WWOX: variants seen among roughly 807,000 people sequenced by gnomAD.
WWOX encodes the protein WW domain-containing oxidoreductase.
Under a neutral mutation model 46.2 loss-of-function variants are expected in WWOX, and 69 were observed. The ratio of observed to expected loss-of-function variants is 1.49; its 90% confidence interval spans 1.23 to 1.82. The LOEUF (loss-of-function observed/expected upper bound fraction) is 1.82. Among genes scored for constraint, WWOX ranks in the 40% most tolerant of loss-of-function variants. The pLI is 0.00. For synonymous variants in WWOX, 359 were observed against 202.6 expected (o/e 1.77, Z -6.56); for missense variants, 919 against 542.6 (o/e 1.69, Z -6.89).
chr16:78,568,912 C>G lies in WWOX; in HGVS notation c.1056+136160C>G, dbSNP rs2044644215. Among the ~76,000 whole-genome samples the G allele has an allele frequency of 3.3e-5, 5 of 152,232 alleles. No individual in the cohort carries two copies. The South Asian group carries it at 1.0e-3, about 32-fold the overall frequency. Reference sequence around the variant, plus strand: ...GTAGATGCATCTAATAATCCTAACACTGTCATCCTTATACTTGAGGTCTTA... The same window carrying G: ...GTAGATGCATCTAATAATCCTAACAGTGTCATCCTTATACTTGAGGTCTTA... On this transcript the variant is annotated intron_variant, in intron 8 of 8. Transcript: ENST00000566780.
chr16:78,972,033 C>G (rs1349786714), intron 8 of WWOX, among the ~76,000 whole-genome samples: 2 of 152,136 alleles, frequency 1.3e-5, no homozygotes, highest in East Asian at 3.9e-4. Context: ...CTTGCTCCAC[C>G]TGTCACTTTA....
chr16:79,033,868 C>G (rs555523893), intron 8 of WWOX, among the ~76,000 whole-genome samples: 2 of 152,312 alleles, frequency 1.3e-5, no homozygotes, highest in South Asian at 4.1e-4. Flanking sequence ...TTCTCAGCAT[C>G]ATGGGAGTTA....
chr16:79,093,903 G>A (rs1001462952), intron 8 of WWOX, among the ~76,000 whole-genome samples: 1 of 152,122 alleles, frequency 6.6e-6, no homozygotes. Context: ...CCACTTTCTC[G>A]CTCTCTCCTT....
chr16:78,673,689 C>A (rs917705325), intron 8 of WWOX, among the ~76,000 whole-genome samples: 1 of 152,158 alleles, frequency 6.6e-6, no homozygotes, highest in Non-Finnish European at 1.5e-5. Context: ...TGCAAATTGC[C>A]AAACAAGTCA....
Position 78,840,194 on chromosome 16 carries a change from T to G in WWOX, c.1057-371414T>G, listed in dbSNP as rs73577495. Among the ~76,000 whole-genome samples, 501 of 152,308 alleles carry G rather than the reference T, an allele frequency of 3.3e-3. 2 individuals are homozygous for G. The highest frequency in any genetic ancestry group is 0.011 in the African/African-American group (466 of 41,570). The stretch of plus-strand genomic sequence containing the variant: ...CCTCAGTGTGTACTTGTGGAATAAT[T>G]TTTTAATATAAAATAATTACCATCA... On this transcript the variant is annotated intron_variant, in intron 8 of 8. Coordinates refer to ENST00000566780, the MANE Select transcript of WWOX (RefSeq NM_016373.4).
intron 8 of WWOX, among the ~76,000 whole-genome samples, chr16:78,542,018 C>CAAAA (rs548366256): frequency 0.36 from 14,707 of 40,590 alleles, 4,818 homozygotes; most frequent in East Asian, 0.45. Flanking sequence ...CAGAGTATAC[C>CAAAA]AAAAAAAAAA....
intron 8 of WWOX, among the ~76,000 whole-genome samples, chr16:78,696,079 A>G (rs1286482908): frequency 3.9e-5 from 6 of 152,200 alleles, no homozygotes; most frequent in Non-Finnish European, 8.8e-5. Flanking sequence ...ATACACGGTC[A>G]AGTTTGAGAT....
intron 8 of WWOX, among the ~76,000 whole-genome samples, chr16:79,027,134 G>C (rs922502463): frequency 7.3e-5 from 11 of 151,366 alleles, no homozygotes; most frequent in Admixed American, 3.3e-4. Context: ...AAAATAATTA[G>C]CTGGGCATGG....
At chr16:78,498,289 G>A (rs375903847) in intron 8 of WWOX, among the ~76,000 whole-genome samples, 8 of 152,158 alleles carry the variant, frequency 5.3e-5, no homozygotes, top group African/African-American at 9.6e-5. Flanking sequence ...TTCTTAAAGC[G>A]TATTTTGTGG....
At chr16:78,402,569 C>T (rs1382488368) in intron 6 of WWOX, among the ~76,000 whole-genome samples, 2 of 152,122 alleles carry the variant, frequency 1.3e-5, no homozygotes, top group African/African-American at 2.4e-5. Flanking sequence ...CACCAACCCC[C>T]TTTCTGAGCC....
At position 78,335,568 on chromosome 16, in the gene WWOX, A is replaced by G. The variant is rs145411685; in HGVS notation, c.517-51292A>G. On this transcript the variant is annotated intron_variant, in intron 5 of 8. Transcript: ENST00000566780. Reference sequence around the variant, plus strand: ...TTCCGTGTCCTTGCTATTGTGAAATACCATTTGACCCAGCAATCCCATTAC... The same window carrying G: ...TTCCGTGTCCTTGCTATTGTGAAATGCCATTTGACCCAGCAATCCCATTAC... Among the ~76,000 whole-genome samples, 206 of 152,282 alleles carry G rather than the reference A, an allele frequency of 1.4e-3. 1 individual carries two copies. The highest frequency in any genetic ancestry group is 4.5e-3 in the African/African-American group (187 of 41,554).
At chr16:79,092,192 G>C (rs977205571) in intron 8 of WWOX, among the ~76,000 whole-genome samples, 1 of 152,102 alleles carries the variant, frequency 6.6e-6, no homozygotes, top group African/African-American at 2.4e-5. Flanking sequence ...TCATTTTCTT[G>C]TGTGCAGGGA....
At chr16:78,955,911 G>T (rs1393765952) in intron 8 of WWOX, among the ~76,000 whole-genome samples, 1 of 151,116 alleles carries the variant, frequency 6.6e-6, no homozygotes, top group Non-Finnish European at 1.5e-5. Context: ...GCCTCCCAAA[G>T]TGCTGAGATT....
At chr16:78,323,253 C>T (rs905093577) in intron 5 of WWOX, among the ~76,000 whole-genome samples, 3 of 151,986 alleles carry the variant, frequency 2.0e-5, no homozygotes, top group Admixed American at 1.3e-4. Flanking sequence ...ACTACAGGCC[C>T]CCGCCACCAT....
intron 8 of WWOX, among the ~76,000 whole-genome samples, chr16:78,800,861 A>G (rs1337824872): frequency 2.0e-5 from 3 of 152,182 alleles, no homozygotes; most frequent in African/African-American, 2.4e-5. Context: ...TGGTCAGTCA[A>G]CACTCAGTCT....
intron 8 of WWOX, among the ~76,000 whole-genome samples, chr16:78,532,715 C>G (rs191532583): frequency 2.8e-4 from 43 of 152,214 alleles, no homozygotes; most frequent in African/African-American, 8.4e-4. Context: ...CAAGAAAGAA[C>G]TTGTGTAGGG....
chr16:78,471,332 G>C (rs1314271797), intron 8 of WWOX, among the ~76,000 whole-genome samples: 1 of 152,220 alleles, frequency 6.6e-6, no homozygotes, highest in Non-Finnish European at 1.5e-5. Flanking sequence ...CGGAGATGAG[G>C]ATGCTTTGCG....
At position 78,837,013 on chromosome 16, in the gene WWOX, T is replaced by G. The variant is rs140189853; in HGVS notation, c.1057-374595T>G. Among the ~76,000 whole-genome samples the G allele has an allele frequency of 4.1e-3, 617 of 152,238 alleles. 1 individual carries two copies. The highest frequency in any genetic ancestry group is 0.024 in the Middle Eastern group (7 of 294). On this transcript the variant is annotated intron_variant, in intron 8 of 8. Transcript: ENST00000566780. ...TGTTCTCTAGAACATAGAAGCCGCTTCTTCATCCCACACAATGGAAACCAG... is the reference window on the plus strand; with the variant it reads ...TGTTCTCTAGAACATAGAAGCCGCTGCTTCATCCCACACAATGGAAACCAG...
chr16:78,928,203 C>A (rs993384962), intron 8 of WWOX, among the ~76,000 whole-genome samples: 1 of 134,218 alleles, frequency 7.5e-6, no homozygotes, highest in Admixed American at 7.5e-5. Flanking sequence ...TACCACTTTT[C>A]TTTTTTTTTT....
Sources: allele counts gnomAD v4.1 joint callset (sites outside exome capture counted in the v4.1 genomes callset), GRCh38; gene constraint gnomAD v4.1.1; transcripts MANE v1.5; gene names NCBI Gene and HGNC (gene_info 2026-07-23, HGNC 2026-07-21).